Variants in ZC3H11A observed in about 807,000 individuals in gnomAD.
ZC3H11A encodes zinc finger CCCH-type containing 11A.
In ZC3H11A, 22 loss-of-function variants were observed where a neutral mutation model predicts 90.8. The ratio of observed to expected loss-of-function variants is 0.24; its 90% confidence interval spans 0.17 to 0.35. The LOEUF (loss-of-function observed/expected upper bound fraction) is 0.35, where lower values mean the gene tolerates loss of function less well. Among genes scored for constraint, ZC3H11A ranks in the 10% least tolerant of loss-of-function variants. The pLI, the probability that ZC3H11A is intolerant of heterozygous loss-of-function variation, is 1.00. For synonymous variants in ZC3H11A, 294 were observed against 339.8 expected, an observed-to-expected ratio of 0.87 and a Z score of 1.48; for missense variants, 701 against 964.9, an observed-to-expected ratio of 0.73 and a Z score of 3.62.
chr1:203,846,886 C>T (rs929249317), intron 12 of ZC3H11A, among the ~76,000 whole-genome samples: 1 of 151,928 alleles, frequency 6.6e-6, no homozygotes, highest in East Asian at 1.9e-4. Context: ...TACCTGTAGT[C>T]CCAGCTACTT....
At chr1:203,818,357 C>T (rs950828211) in intron 3 of ZC3H11A, among the ~76,000 whole-genome samples, 2 of 151,922 alleles carry the variant, frequency 1.3e-5, no homozygotes, top group African/African-American at 4.8e-5. Context: ...TCACTCATGC[C>T]AGATCAAACG....
chr1:203,829,482 A>G lies in ZC3H11A; in HGVS notation c.330A>G (p.Glu110=), dbSNP rs564777771. 17 of 1,613,988 alleles carry G rather than the reference A, an allele frequency of 1.1e-5. No individual in the cohort carries two copies. In the South Asian group the frequency reaches 1.8e-4, roughly 17 times the overall value. Reference sequence around the variant, plus strand: ...TGCCCACTGTGCCTGAGTCACCAGAAGAGGAAGTGAAGGCTAGCCAACTTT... The same window carrying G: ...TGCCCACTGTGCCTGAGTCACCAGAGGAGGAAGTGAAGGCTAGCCAACTTT... ...TVLPTVPESP[E]EEVKASQLSV... is the part of the protein sequence containing the mutation. Residue 110 remains glutamate, a synonymous_variant, in exon 6 of 18, where the codon GAA becomes GAG. Transcript: ENST00000367210.
rs1182353696 is a variant in ZC3H11A, at chr1:203,848,347, G to A, written c.1563G>A (p.Lys521=). ...ITKRTGMKEE[K]NLQEGNEVDS... is the part of the protein sequence containing the mutation. ...TGAATACAGGGATGAAAGAAGAGAA[G>A]AACCTTCAGGAAGGAAATGAAGTTG... Residue 521 remains lysine (K), a synonymous_variant, in exon 14 of 18, where the codon AAG becomes AAA. Coordinates refer to ENST00000367210, the MANE Select transcript of ZC3H11A (RefSeq NM_001376342.1). The A allele has an allele frequency of 1.2e-6, 2 of 1,612,570 alleles. No individual in the cohort carries two copies. The highest frequency in any genetic ancestry group is 1.7e-6 in the Non-Finnish European group (2 of 1,179,516).
chr1:203,821,410 T>A (rs1030091224), intron 4 of ZC3H11A, among the ~76,000 whole-genome samples: 1 of 152,204 alleles, frequency 6.6e-6, no homozygotes, highest in African/African-American at 2.4e-5. Flanking sequence ...CAGTGTGTCG[T>A]ACTCTGTTAC....
At chr1:203,808,173 A>G (rs1049731787) in intron 2 of ZC3H11A, among the ~76,000 whole-genome samples, 3 of 152,208 alleles carry the variant, frequency 2.0e-5, no homozygotes, top group African/African-American at 4.8e-5. Flanking sequence ...TTTTGTATCT[A>G]AAAACTTCTA....
intron 12 of ZC3H11A, among the ~76,000 whole-genome samples, chr1:203,845,289 C>G (rs1186653690): frequency 6.6e-6 from 1 of 152,036 alleles, no homozygotes; most frequent in East Asian, 1.9e-4. Flanking sequence ...GGGAGGGAAA[C>G]AGGGCCTCTA....
In ZC3H11A at chr1:203,802,544, A is replaced by G. The variant is rs1288865412; in HGVS notation, c.-618A>G. ...ATTATACAGATAATAAAGATGGGGG[A>G]AGGTTTCTGTTTTTTTCTTAATAGG... On this transcript the variant is annotated 5_prime_UTR_variant, in exon 2 of 18. Coordinates refer to ENST00000367210, the MANE Select transcript of ZC3H11A (RefSeq NM_001376342.1). 6.6e-6 allele frequency: 1 copy of G among 152,296 alleles called. No homozygotes were observed. Among genetic ancestry groups the G allele is most frequent in the Non-Finnish European group, 1.5e-5 (1 of 67,970 alleles). The allele number at this position is 152,296 out of a possible 1,614,324, so 9.4% of individuals were successfully genotyped here.
In ZC3H11A at chr1:203,818,589, G is replaced by A. The variant is rs1558110068; in HGVS notation, c.74G>A (p.Arg25His). ...TCTKGDSCPF[R>H]HCEAAIGNET... is the part of the protein sequence containing the mutation. ...TTACAGGGTGACAGCTGCCCATTCC[G>A]TCACTGTGAAGCTGCAATAGGAAAT... The change falls in exon 4 of 18, where the codon CGT becomes CAT. Residue 25 changes from arginine (R) to histidine (H), a missense_variant. This residue lies in a region of ZC3H11A where 59 missense variants were observed against 132.8 expected (regional missense o/e 0.44). Transcript: ENST00000367210. 6.2e-7 allele frequency: 1 copy of A among 1,613,966 alleles called. No individual in the cohort carries two copies. The highest frequency in any genetic ancestry group is 8.5e-7 in the Non-Finnish European group (1 of 1,179,982).
rs779153308 is a variant in ZC3H11A, at chr1:203,813,215, G to GT, written c.-145-3702dup. On this transcript the variant is annotated intron_variant, in intron 2 of 17. Coordinates refer to ENST00000367210, the MANE Select transcript of ZC3H11A (RefSeq NM_001376342.1). ...AATGTTTTTTTGTTTTTTGTTTTTT[G>GT]TTTTTTTTTGGATGGAGTTTTGCTC... 6.9e-3 allele frequency among the ~76,000 whole-genome samples: 1,031 copies of GT among 148,406 alleles called. 13 individuals are homozygous for GT. Among genetic ancestry groups the GT allele is most frequent in the East Asian group, 0.045 (226 of 5,074 alleles).
chr1:203,803,643 T>A (rs528380515), intron 2 of ZC3H11A, among the ~76,000 whole-genome samples: 1 of 152,234 alleles, frequency 6.6e-6, no homozygotes. Context: ...TTGTGCTCTG[T>A]CACTGAGGCT....
At position 203,847,548 on chromosome 1, in the gene ZC3H11A, G is replaced by A. The variant is rs753327023; in HGVS notation, c.1407G>A (p.Val469=). The change falls in exon 13 of 18, where the codon GTG becomes GTA. Residue 469 remains valine, a synonymous_variant. Transcript: ENST00000367210. ...PAGKTKSMQE[V]HIKTLEEIKL... ...GTAAAACAAAGTCTATGCAGGAGGTGCACATCAAGACGCTGGAAGAAATTA... is the reference window on the plus strand; with the variant it reads ...GTAAAACAAAGTCTATGCAGGAGGTACACATCAAGACGCTGGAAGAAATTA... 2 of 1,613,986 alleles carry A rather than the reference G, an allele frequency of 1.2e-6. No individual in the cohort carries two copies. Among genetic ancestry groups the A allele is most frequent in the South Asian group, 1.1e-5 (1 of 91,076 alleles).
chr1:203,820,032 C>G (rs1033149326), intron 4 of ZC3H11A, among the ~76,000 whole-genome samples: 19 of 151,160 alleles, frequency 1.3e-4, no homozygotes, highest in Admixed American at 1.1e-3. Context: ...ATCAGGAGTT[C>G]GAGACCAGCC....
At chr1:203,799,064 C>T in intron 1 of ZC3H11A, 1 of 1,536,122 alleles carries the variant, frequency 6.5e-7, no homozygotes, top group Non-Finnish European at 8.7e-7. Context: ...TCAATAATGG[C>T]AGGATCCCCG....
rs969146200 is a variant in ZC3H11A at position 203,852,213 on chromosome 1, A to G, written c.2247A>G (p.Gln749=). The G allele has an allele frequency of 1.2e-5, 19 of 1,613,234 alleles. No homozygotes were observed. The highest frequency in any genetic ancestry group is 9.4e-5 in the African/African-American group (7 of 74,690). Reference sequence around the variant, plus strand: ...AGGTGTCTGGCCCTTCCTCATCCCAAATGAGCATGAAAACTCGCCGACTCA... The same window carrying G: ...AGGTGTCTGGCCCTTCCTCATCCCAGATGAGCATGAAAACTCGCCGACTCA... ...PPEVSGPSSS[Q]MSMKTRRLSS... is the part of the protein sequence containing the mutation. Residue 749 remains glutamine, a synonymous_variant, in exon 18 of 18, where the codon CAA becomes CAG. Transcript: ENST00000367210.
chr1:203,806,144 G>C, intron 2 of ZC3H11A: 1 of 503,588 alleles, frequency 2.0e-6, no homozygotes, highest in Non-Finnish European at 4.0e-6. Flanking sequence ...TACTTCACTA[G>C]CTCAGCATCC....
intron 2 of ZC3H11A, among the ~76,000 whole-genome samples, chr1:203,810,862 C>T (rs760923096): frequency 2.6e-5 from 4 of 151,664 alleles, no homozygotes; most frequent in East Asian, 1.9e-4. Context: ...GTGGGCCAGA[C>T]GCTCACGCCT....
At chr1:203,816,767 G>C (rs1676518056) in intron 2 of ZC3H11A, among the ~76,000 whole-genome samples, 159 bp from the exon 3 acceptor site, 1 of 152,160 alleles carries the variant, frequency 6.6e-6, no homozygotes, top group Non-Finnish European at 1.5e-5. Flanking sequence ...TTGTAGATGG[G>C]AATGTACAGT....
In ZC3H11A at chr1:203,804,496, C is replaced by G. The variant is rs1213895900; in HGVS notation, c.-146+1480C>G. On this transcript the variant is annotated intron_variant, in intron 2 of 17. Coordinates refer to ENST00000367210, the MANE Select transcript of ZC3H11A (RefSeq NM_001376342.1). ...TTGTGAATGGTCTCTTCCTGTATAT[C>G]TTTTTACTGTGAGTGGTACTCTGCC... Among the ~76,000 whole-genome samples the G allele has an allele frequency of 3.3e-5, 5 of 151,960 alleles. No individual in the cohort carries two copies. In the East Asian group the frequency reaches 9.7e-4, roughly 29 times the overall value.
At chr1:203,843,232 A>G (rs553964139) in intron 12 of ZC3H11A, among the ~76,000 whole-genome samples, 11 of 152,306 alleles carry the variant, frequency 7.2e-5, no homozygotes, top group African/African-American at 2.6e-4. Flanking sequence ...ATCAGTATTT[A>G]TGATAATCAG....
Sources: gnomAD v4.1 joint callset for allele counts (sites outside exome capture counted in the v4.1 genomes callset) on GRCh38, gnomAD v4.1.1 for gene constraint, gnomAD v4.1.1 regional missense constraint, MANE v1.5 for transcripts, NCBI Gene and HGNC (gene_info 2026-07-23, HGNC 2026-07-21) for gene names.